Variants in SPECC1 observed in about 807,000 individuals in gnomAD.
The protein encoded by SPECC1 is sperm antigen with calponin homology and coiled-coil domains 1.
In SPECC1, 62 loss-of-function variants were observed where a neutral mutation model predicts 104.1. The ratio of observed to expected loss-of-function variants is 0.60; its 90% CI spans 0.49 to 0.74. SPECC1 has a LOEUF of 0.74. Ranked by LOEUF, SPECC1 falls within the 30% of genes least tolerant of loss-of-function variation. The pLI is 0.00. For missense variants in SPECC1, 1,306 were observed against 1,310.5 expected (o/e 1.00, Z 0.05); for synonymous variants, 513 against 501.6 (o/e 1.02, Z -0.30).
intron 12 of SPECC1, among the ~76,000 whole-genome samples, chr17:20,264,000 G>A (rs936247420): frequency 6.6e-6 from 1 of 152,080 alleles, no homozygotes; most frequent in Admixed American, 6.6e-5. Flanking sequence ...TGAAATCTCT[G>A]TAAAATTAGA....
chr17:20,279,030 C>T (rs1189385893), intron 12 of SPECC1, among the ~76,000 whole-genome samples: 1 of 152,134 alleles, frequency 6.6e-6, no homozygotes, highest in African/African-American at 2.4e-5. Context: ...CAGCATAACA[C>T]TGCCCAACAC....
intron 1 of SPECC1, among the ~76,000 whole-genome samples, chr17:20,037,224 A>G (rs980674057): frequency 1.3e-5 from 2 of 152,034 alleles, no homozygotes; most frequent in Admixed American, 6.6e-5. Flanking sequence ...AAGGAGTTTA[A>G]GGAGTTTTGT....
At chr17:20,093,887 C>T (rs962369322) in intron 1 of SPECC1, among the ~76,000 whole-genome samples, 1 of 151,620 alleles carries the variant, frequency 6.6e-6, no homozygotes, top group African/African-American at 2.4e-5. Context: ...TGTGTCACCA[C>T]GTCCCCCTAA....
At chr17:20,227,365 G>A (rs1480676127) in intron 4 of SPECC1, 48 bp from the exon 5 acceptor site, 1 of 1,554,688 alleles carries the variant, frequency 6.4e-7, no homozygotes, top group East Asian at 2.4e-5. Flanking sequence ...GATCACTGTG[G>A]GAATTTTTTT....
rs116208792 is a variant in SPECC1, at chr17:20,213,969, C to G, written c.1863+8057C>G. Among the ~76,000 whole-genome samples, 407 of 152,250 alleles carry G rather than the reference C, an allele frequency of 2.7e-3. 2 individuals are homozygous for G. Among genetic ancestry groups the G allele is most frequent in the African/African-American group, 9.3e-3 (385 of 41,532 alleles). On this transcript the variant is annotated intron_variant, in intron 4 of 14. Transcript: ENST00000395527. ...TTAGTGTATTCACACAATTGTGCAA[C>G]CATCACTACAATCAATTTTAGAACA...
chr17:20,012,054 A>T (rs978290338), intron 1 of SPECC1, among the ~76,000 whole-genome samples: 1 of 152,174 alleles, frequency 6.6e-6, no homozygotes, highest in Non-Finnish European at 1.5e-5. Flanking sequence ...TGGTTTCACC[A>T]TGTGTCTTCT....
rs750895589 is a variant in SPECC1 at position 20,227,551 on chromosome 17, T to C, written c.2002T>C (p.Leu668=). 6.2e-7 allele frequency: 1 copy of C among 1,612,518 alleles called. No homozygotes were observed. The highest frequency in any genetic ancestry group is 8.5e-7 in the Non-Finnish European group (1 of 1,179,654). Residue 668 remains leucine (L), a synonymous_variant, in exon 5 of 15, where the codon TTG becomes CTG. Coordinates refer to ENST00000395527, the MANE Select transcript of SPECC1 (RefSeq NM_001243439.2). ...AGACATGAAAGAAACCATATTTGAA[T>C]TGGAAGATCAGGTGGAACAGCACCG... The part of the protein sequence containing the change: ...IKDMKETIFE[L]EDQVEQHRAV...
chr17:20,176,988 T>C (rs2703797), intron 3 of SPECC1, among the ~76,000 whole-genome samples: 115,856 of 152,120 alleles, frequency 0.76, 45,340 homozygotes, highest in East Asian at 0.99. Flanking sequence ...CAGGTGGGAC[T>C]TGCACAGCGG....
At chr17:20,021,254 A>G (rs2044363792) in intron 1 of SPECC1, among the ~76,000 whole-genome samples, 1 of 152,108 alleles carries the variant, frequency 6.6e-6, no homozygotes, top group Non-Finnish European at 1.5e-5. Flanking sequence ...CAGGCAGTTC[A>G]AACCTGTGCT....
Position 20,287,405 on chromosome 17 carries a change from CAG to C in SPECC1, c.2941-9553_2941-9552del, listed in dbSNP as rs1384328750. On this transcript the variant is annotated intron_variant, in intron 12 of 14. Coordinates refer to ENST00000395527, the MANE Select transcript of SPECC1 (RefSeq NM_001243439.2). ...GCAGTCCGCAGTCCGGCCTGGGCGA[CAG>C]AGCGAGACTCCGTCTCAAAAAAAAA... Among the ~76,000 whole-genome samples the C allele has an allele frequency of 1.1e-4, 13 of 120,224 alleles. No individual in the cohort carries two copies. In the East Asian group the frequency reaches 2.9e-3, roughly 26 times the overall value. The allele number at this position is 120,224 out of a possible 152,430, so 78.9% of individuals were successfully genotyped here.
chr17:20,204,655 T>C lies in SPECC1; in HGVS notation c.606T>C (p.Ala202=). Residue 202 remains alanine (A), a synonymous_variant, in exon 4 of 15, where the codon GCT becomes GCC. Coordinates refer to ENST00000395527, the MANE Select transcript of SPECC1 (RefSeq NM_001243439.2). ...KKYKEKRTLN[A]EGTDALGPNV... ...ACAAAGAGAAAAGGACTCTGAACGC[T>C]GAGGGGACTGATGCTTTGGGCCCAA... 6.2e-7 allele frequency: 1 copy of C among 1,614,046 alleles called. No homozygotes were observed.
chr17:20,182,860 A>G (rs1436864575), intron 3 of SPECC1, among the ~76,000 whole-genome samples: 1 of 152,218 alleles, frequency 6.6e-6, no homozygotes, highest in Admixed American at 6.5e-5. Flanking sequence ...GAACCTAGCC[A>G]TCTGGCCACA....
intron 5 of SPECC1, among the ~76,000 whole-genome samples, chr17:20,231,262 G>C (rs1282269013): frequency 6.6e-6 from 1 of 152,170 alleles, no homozygotes; most frequent in Non-Finnish European, 1.5e-5. Context: ...CTTTTGAAAA[G>C]CTTCACCAGT....
intron 9 of SPECC1, among the ~76,000 whole-genome samples, chr17:20,251,831 A>C (rs2039643905): frequency 6.6e-6 from 1 of 152,226 alleles, no homozygotes; most frequent in Admixed American, 6.5e-5. Flanking sequence ...CTTTGAGGTA[A>C]GTACGTTTAG....
intron 3 of SPECC1, among the ~76,000 whole-genome samples, chr17:20,189,713 A>G (rs2035529947): frequency 6.6e-6 from 1 of 152,140 alleles, no homozygotes; most frequent in African/African-American, 2.4e-5. Flanking sequence ...AGTGCTGTTC[A>G]TAGTGGCCGT....
Position 20,096,707 on chromosome 17 carries a change from C to G in SPECC1, c.56C>G (p.Pro19Arg), listed in dbSNP as rs2047663474. 6.2e-7 allele frequency: 1 copy of G among 1,614,096 alleles called. No homozygotes were observed. The highest frequency in any genetic ancestry group is 1.3e-5 in the African/African-American group (1 of 74,924). ...GCCATCAGAGCAGGGGGCCACGGCCCAGACCGGGTGCGGCCTCTGCCTGCA... is the reference window on the plus strand; with the variant it reads ...GCCATCAGAGCAGGGGGCCACGGCCGAGACCGGGTGCGGCCTCTGCCTGCA... ...NPAIRAGGHGPDRVRPLPAAS... is the reference protein window; with the variant it reads ...NPAIRAGGHGRDRVRPLPAAS... The change falls in exon 2 of 15, where the codon CCA becomes CGA. Residue 19 changes from proline to arginine, a missense_variant. This residue lies in a region of SPECC1 where 1,177 missense variants were observed against 1,139.9 expected (regional missense o/e 1.03). Coordinates refer to ENST00000395527, the MANE Select transcript of SPECC1 (RefSeq NM_001243439.2).
chr17:20,115,496 A>AAT (rs1243943499), intron 3 of SPECC1, among the ~76,000 whole-genome samples: 47 of 152,136 alleles, frequency 3.1e-4, no homozygotes, highest in African/African-American at 1.1e-3. Flanking sequence ...TAAATAAATA[A>AAT]AAATAAAAAA....
At chr17:20,263,390 G>C (rs1264847785) in intron 12 of SPECC1, among the ~76,000 whole-genome samples, 1 of 149,354 alleles carries the variant, frequency 6.7e-6, no homozygotes, top group Non-Finnish European at 1.5e-5. Flanking sequence ...GAGGGGGGAA[G>C]GATAGCATTA....
intron 1 of SPECC1, among the ~76,000 whole-genome samples, chr17:20,012,075 G>A (rs1372751101): frequency 6.6e-6 from 1 of 152,044 alleles, no homozygotes; most frequent in African/African-American, 2.4e-5. Context: ...ATTGATTTCA[G>A]AGTTATTTTT....
Sources: gnomAD v4.1 joint callset for allele counts (sites outside exome capture counted in the v4.1 genomes callset) on GRCh38, gnomAD v4.1.1 for gene constraint, gnomAD v4.1.1 regional missense constraint, MANE v1.5 for transcripts, NCBI Gene and HGNC (gene_info 2026-07-23, HGNC 2026-07-21) for gene names.